The following NEURL1 variants were observed in gnomAD, a reference collection of about 807,000 sequenced individuals.
NEURL1 encodes neuralized E3 ubiquitin protein ligase 1.
A neutral mutation model predicts 41.2 loss-of-function variants in NEURL1; 26 were observed. The ratio of observed to expected loss-of-function variants is 0.63; its 90% CI spans 0.46 to 0.87. The LOEUF is 0.87. NEURL1 is among the 40% of genes least tolerant of loss of function. The pLI is 0.00. For missense variants in NEURL1, 761 were observed against 871.1 expected, an observed-to-expected ratio of 0.87 and a Z score of 1.59; for synonymous variants, 400 against 402.3, an observed-to-expected ratio of 0.99 and a Z score of 0.07.
Position 103,584,600 on chromosome 10 carries a change from G to A in NEURL1, c.714G>A (p.Ser238=). 7.1e-7 allele frequency: 1 copy of A among 1,413,804 alleles called. No homozygotes were observed. The highest frequency in any genetic ancestry group is 9.2e-7 in the Non-Finnish European group (1 of 1,089,752). 87.6% of individuals were successfully genotyped at this position (1,413,804 alleles called of 1,614,324 possible). A position where few individuals can be genotyped will look rare whatever the true frequency, so the allele number is the denominator to read the frequency against. Reference sequence around the variant, plus strand: ...CCTTCACCGCCCTGCGGCGGCCGTCGCTGCGGCGCGAGGCGGACGACGCGC... The same window carrying A: ...CCTTCACCGCCCTGCGGCGGCCGTCACTGCGGCGCGAGGCGGACGACGCGC... ...PRSFTALRRP[S]LRREADDARL... Residue 238 remains serine (S), a synonymous_variant, in exon 4 of 6, where the codon TCG becomes TCA. Coordinates refer to ENST00000369780, the MANE Select transcript of NEURL1 (RefSeq NM_004210.5).
At chr10:103,498,127 G>A (rs758176216) in intron 1 of NEURL1, among the ~76,000 whole-genome samples, 2 of 152,196 alleles carry the variant, frequency 1.3e-5, no homozygotes, top group Non-Finnish European at 2.9e-5. Context: ...GACTGGGGTA[G>A]GGTGCACAGG....
intron 1 of NEURL1, among the ~76,000 whole-genome samples, chr10:103,522,385 G>GACCAA (rs2034370021): frequency 4.0e-5 from 6 of 151,584 alleles, no homozygotes; most frequent in African/African-American, 1.5e-4. Context: ...AGGTGAGCGG[G>GACCAA]TCACCTGAGG....
chr10:103,499,347 G>T (rs1398671354), intron 1 of NEURL1, among the ~76,000 whole-genome samples: 2 of 152,076 alleles, frequency 1.3e-5, no homozygotes, highest in East Asian at 1.9e-4. Flanking sequence ...GCAGGGGAAG[G>T]CTCATCCTTG....
chr10:103,585,914 G>A (rs896263660), intron 4 of NEURL1, among the ~76,000 whole-genome samples: 3 of 151,994 alleles, frequency 2.0e-5, no homozygotes, highest in Admixed American at 2.0e-4. Flanking sequence ...GGAAATAAAG[G>A]TCCTCACCTT....
At position 103,587,254 on chromosome 10, in the gene NEURL1, G is replaced by T. The variant is rs80099007; in HGVS notation, c.1339+2029G>T. Among the ~76,000 whole-genome samples, 71 of 152,288 alleles carry T rather than the reference G, an allele frequency of 4.7e-4. 1 individual carries two copies. The East Asian group carries it at 0.013, about 27-fold the overall frequency. ...GGGCAAGGAAATTACATAAGAGTAAGGTACTTTCTTCCCTCAGCACCATCT... is the reference window on the plus strand; with the variant it reads ...GGGCAAGGAAATTACATAAGAGTAATGTACTTTCTTCCCTCAGCACCATCT... On this transcript the variant is annotated intron_variant, in intron 4 of 5. Coordinates refer to ENST00000369780, the MANE Select transcript of NEURL1 (RefSeq NM_004210.5).
At position 103,584,987 on chromosome 10, in the gene NEURL1, G is replaced by C. The variant is rs759556573; in HGVS notation, c.1101G>C (p.Pro367=). ...VTTCDPGTLR[P]ADLPFSPEAL... is the part of the protein sequence containing the mutation. ...CGTGCGACCCCGGCACGCTGCGGCC[G>C]GCCGACCTGCCTTTCAGCCCTGAGG... The change falls in exon 4 of 6, where the codon CCG becomes CCC. Residue 367 remains proline, a synonymous_variant. Coordinates refer to ENST00000369780, the MANE Select transcript of NEURL1 (RefSeq NM_004210.5). 1 of 1,542,218 alleles carries C rather than the reference G, an allele frequency of 6.5e-7. No homozygotes were observed. The highest frequency in any genetic ancestry group is 8.7e-7 in the Non-Finnish European group (1 of 1,154,054).
At chr10:103,496,801 G>T (rs2133841470) in intron 1 of NEURL1, among the ~76,000 whole-genome samples, 1 of 152,306 alleles carries the variant, frequency 6.6e-6, no homozygotes, top group South Asian at 2.1e-4. Flanking sequence ...GGGTTAGTTG[G>T]CCCTTAATAT....
At chr10:103,571,148 G>A (rs772943442) in intron 2 of NEURL1, 35 bp downstream of exon 2, 1 of 1,597,084 alleles carries the variant, frequency 6.3e-7, no homozygotes, top group Admixed American at 1.7e-5. Context: ...CCCGCCTCCT[G>A]CTTCCTGCTC....
chr10:103,530,924 A>G (rs2034557585), intron 1 of NEURL1, among the ~76,000 whole-genome samples: 1 of 152,146 alleles, frequency 6.6e-6, no homozygotes, highest in African/African-American at 2.4e-5. Context: ...ATGTGCTGAT[A>G]AAAATAATAT....
At chr10:103,579,970 C>A (rs978352758) in intron 3 of NEURL1, among the ~76,000 whole-genome samples, 1 of 152,046 alleles carries the variant, frequency 6.6e-6, no homozygotes, top group Non-Finnish European at 1.5e-5. Context: ...ATAAAAAAAA[C>A]ATGTCCTGCC....
chr10:103,570,127 AT>A lies in NEURL1; in HGVS notation c.86-741del, dbSNP rs1163844059. Among the ~76,000 whole-genome samples, 5 of 152,258 alleles carry A rather than the reference AT, an allele frequency of 3.3e-5. No individual in the cohort carries two copies. In the East Asian group the frequency reaches 9.7e-4, roughly 29 times the overall value. ...AAACATCCCAGAAGGCCTCTGTCACATTTTGTGGCTTTCTACGGCTCCACCC... is the reference window on the plus strand; with the variant it reads ...AAACATCCCAGAAGGCCTCTGTCACATTTGTGGCTTTCTACGGCTCCACCC... On this transcript the variant is annotated intron_variant, in intron 1 of 5. Transcript: ENST00000369780.
At position 103,545,370 on chromosome 10, in the gene NEURL1, G is replaced by T. The variant is rs1564816744; in HGVS notation, c.86-25502G>T. 6.6e-6 allele frequency among the ~76,000 whole-genome samples: 1 copy of T among 152,336 alleles called. No individual in the cohort carries two copies. Among genetic ancestry groups the T allele is most frequent in the East Asian group, 1.9e-4 (1 of 5,184 alleles). ...GGGACTAAAAGCCCCTGTTTGTGGG[G>T]CTATGAGATGTGAGGTTGTCTGGGG... On this transcript the variant is annotated intron_variant, in intron 1 of 5. Transcript: ENST00000369780. This position sits in a 1 kb window ranked among gnomAD's most constrained non-coding sequence, Gnocchi z 4.5.
chr10:103,572,366 G>A (rs975795212), intron 3 of NEURL1, among the ~76,000 whole-genome samples: 1 of 152,208 alleles, frequency 6.6e-6, no homozygotes, highest in South Asian at 2.1e-4. Flanking sequence ...TCCAGGAGAC[G>A]GGGTTCCAAG....
intron 1 of NEURL1, among the ~76,000 whole-genome samples, chr10:103,520,703 G>A (rs1276659497): frequency 1.3e-5 from 2 of 152,088 alleles, no homozygotes; most frequent in Admixed American, 6.5e-5. Flanking sequence ...GTTGGGGCAG[G>A]GAAAATTTTG....
At chr10:103,561,026 C>T (rs972050191) in intron 1 of NEURL1, among the ~76,000 whole-genome samples, 2 of 152,238 alleles carry the variant, frequency 1.3e-5, no homozygotes, top group Non-Finnish European at 2.9e-5. Context: ...CATGAGGTTG[C>T]AATCACATTG....
chr10:103,498,248 G>A (rs2033733307), intron 1 of NEURL1, among the ~76,000 whole-genome samples: 1 of 152,174 alleles, frequency 6.6e-6, no homozygotes, highest in East Asian at 1.9e-4. Context: ...TTATTTTTGA[G>A]ACGGAGTCTC....
intron 3 of NEURL1, among the ~76,000 whole-genome samples, chr10:103,579,760 A>G (rs915473308): frequency 6.6e-6 from 1 of 152,042 alleles, no homozygotes; most frequent in East Asian, 1.9e-4. Flanking sequence ...TGGGAAACCT[A>G]GTGAAACCCT....
intron 3 of NEURL1, among the ~76,000 whole-genome samples, chr10:103,581,929 A>G (rs1433631504): frequency 6.6e-6 from 1 of 152,208 alleles, no homozygotes; most frequent in Non-Finnish European, 1.5e-5. Context: ...TAACTCCACA[A>G]TGGAACAGGT....
Position 103,558,333 on chromosome 10 carries a change from T to A in NEURL1, c.86-12539T>A, listed in dbSNP as rs1024323007. On this transcript the variant is annotated intron_variant, in intron 1 of 5. Coordinates refer to ENST00000369780, the MANE Select transcript of NEURL1 (RefSeq NM_004210.5). The surrounding 1 kb of genome is among the most constrained non-coding windows in gnomAD (Gnocchi z 4.2). Reference sequence around the variant, plus strand: ...TAATTGTGTGTTTTGTTTGTGGACGTGTTTTGGCTCTCTGAGCTTCTGATG... The same window carrying A: ...TAATTGTGTGTTTTGTTTGTGGACGAGTTTTGGCTCTCTGAGCTTCTGATG... 146 of 861,312 alleles carry A rather than the reference T, an allele frequency of 1.7e-4. No homozygotes were observed. Among genetic ancestry groups the A allele is most frequent in the Non-Finnish European group, 1.2e-4 (84 of 716,810 alleles). The allele number at this position is 861,312 out of a possible 1,614,324, so 53.4% of individuals were successfully genotyped here. A position where few individuals can be genotyped will look rare whatever the true frequency, so the allele number is the denominator to read the frequency against.
Sources: gnomAD v4.1 joint callset for allele counts (sites outside exome capture counted in the v4.1 genomes callset) on GRCh38, gnomAD v4.1.1 for gene constraint, Gnocchi (gnomAD v3.1) non-coding constraint, MANE v1.5 for transcripts, NCBI Gene and HGNC (gene_info 2026-07-23, HGNC 2026-07-21) for gene names.